The following TMEM132D variants were observed in gnomAD, a reference collection of about 807,000 sequenced individuals.
The protein encoded by TMEM132D is mature OL transmembrane protein.
A neutral mutation model predicts 62.3 loss-of-function variants in TMEM132D; 21 were observed. That is an observed-to-expected ratio of 0.34 (90% CI 0.24 to 0.49). The LOEUF is 0.49. TMEM132D is among the 20% of genes least tolerant of loss of function. TMEM132D has a pLI of 0.99. For synonymous variants in TMEM132D, 621 were observed against 575.6 expected (o/e 1.08, Z -1.13); for missense variants, 1,346 against 1,402.8 (o/e 0.96, Z 0.65).
At chr12:129,593,273 TG>T (rs1306454772) in intron 2 of TMEM132D, among the ~76,000 whole-genome samples, 47 of 152,324 alleles carry the variant, frequency 3.1e-4, no homozygotes, top group African/African-American at 1.1e-3. Flanking sequence ...AGCACCATCA[TG>T]GTGAAGTAAC....
chr12:129,538,141 A>AGAAT (rs1429613935), intron 2 of TMEM132D, among the ~76,000 whole-genome samples: 2 of 152,238 alleles, frequency 1.3e-5, no homozygotes, highest in African/African-American at 4.8e-5. Context: ...AAATATCTTC[A>AGAAT]GAATGAATGA....
chr12:129,490,915 A>G (rs1160939646), intron 3 of TMEM132D, among the ~76,000 whole-genome samples: 1 of 151,668 alleles, frequency 6.6e-6, no homozygotes, highest in East Asian at 1.9e-4. Flanking sequence ...AATCATTTAC[A>G]TTTCCTGCCT....
intron 4 of TMEM132D, among the ~76,000 whole-genome samples, chr12:129,297,867 AG>A (rs1881616380): frequency 6.6e-6 from 1 of 152,128 alleles, no homozygotes; most frequent in South Asian, 2.1e-4. Flanking sequence ...AGGCTACTTA[AG>A]CAGCCAGTAT....
At chr12:129,847,857 T>G (rs1873413272) in intron 1 of TMEM132D, among the ~76,000 whole-genome samples, 1 of 151,950 alleles carries the variant, frequency 6.6e-6, no homozygotes, top group Non-Finnish European at 1.5e-5. Context: ...AACCCCAAGG[T>G]TGCCACGGGA....
At chr12:129,517,357 T>C (rs1593047422) in intron 3 of TMEM132D, among the ~76,000 whole-genome samples, 1 of 152,204 alleles carries the variant, frequency 6.6e-6, no homozygotes. Context: ...TATTTATCTA[T>C]TAACAAATGT....
intron 4 of TMEM132D, among the ~76,000 whole-genome samples, chr12:129,314,606 C>T (rs2135638056): frequency 6.6e-6 from 1 of 152,266 alleles, no homozygotes; most frequent in Non-Finnish European, 1.5e-5. Flanking sequence ...TATCCAGGCT[C>T]TTTCTTGATT....
chr12:129,397,330 G>A (rs1348167661), intron 3 of TMEM132D, among the ~76,000 whole-genome samples: 2 of 152,190 alleles, frequency 1.3e-5, no homozygotes, highest in African/African-American at 4.8e-5. Context: ...CACTCACCAA[G>A]TGTGCGTTTG....
At chr12:129,144,294 C>T (rs1287512048) in intron 5 of TMEM132D, among the ~76,000 whole-genome samples, 1 of 152,132 alleles carries the variant, frequency 6.6e-6, no homozygotes, top group Admixed American at 6.5e-5. Flanking sequence ...ATCATGTCTC[C>T]CAGTATCCAG....
At chr12:129,244,177 A>G (rs1880010880) in intron 4 of TMEM132D, among the ~76,000 whole-genome samples, 1 of 152,074 alleles carries the variant, frequency 6.6e-6, no homozygotes, top group African/African-American at 2.4e-5. Context: ...CAAAGTCAGG[A>G]GATCGAGACC....
intron 5 of TMEM132D, among the ~76,000 whole-genome samples, chr12:129,116,918 C>CAAAAAAAAAAAAAAA (rs60513263): frequency 6.8e-5 from 4 of 58,988 alleles, no homozygotes; most frequent in African/African-American, 2.7e-4. Context: ...AAAATTTCCG[C>CAAAAAAAAAAAAAAA]AAAAAAAAAA....
At chr12:129,599,038 T>C (rs764011685) in intron 2 of TMEM132D, among the ~76,000 whole-genome samples, 3 of 152,166 alleles carry the variant, frequency 2.0e-5, no homozygotes, top group Non-Finnish European at 2.9e-5. Context: ...CCTGGGGTTG[T>C]TGAGAGAGAA....
intron 5 of TMEM132D, among the ~76,000 whole-genome samples, chr12:129,119,413 C>T (rs953754853): frequency 3.3e-5 from 5 of 152,160 alleles, no homozygotes; most frequent in East Asian, 3.9e-4. Flanking sequence ...AAATCTAGTG[C>T]GTATGGACCA....
At chr12:129,360,887 C>T (rs550745220) in intron 3 of TMEM132D, among the ~76,000 whole-genome samples, 2 of 152,220 alleles carry the variant, frequency 1.3e-5, no homozygotes, top group African/African-American at 2.4e-5. Flanking sequence ...GCCTGTGTCG[C>T]GACACATAAC....
chr12:129,643,732 C>T (rs1879699253), intron 2 of TMEM132D, among the ~76,000 whole-genome samples: 1 of 152,174 alleles, frequency 6.6e-6, no homozygotes, highest in Non-Finnish European at 1.5e-5. Context: ...TCATCAGAAA[C>T]TCAAAAGAAT....
chr12:129,705,458 C>G (rs1398329903), intron 1 of TMEM132D, among the ~76,000 whole-genome samples: 1 of 152,138 alleles, frequency 6.6e-6, no homozygotes, highest in African/African-American at 2.4e-5. Flanking sequence ...TTTGCATCCA[C>G]TGTACAAAAT....
chr12:129,358,437 G>A (rs569628099), intron 3 of TMEM132D, among the ~76,000 whole-genome samples: 2 of 152,228 alleles, frequency 1.3e-5, no homozygotes, highest in East Asian at 1.9e-4. Flanking sequence ...ACAGCTCCAC[G>A]TGCAGCGACA....
chr12:129,281,627 G>A lies in TMEM132D; in HGVS notation c.1299+56007C>T, dbSNP rs540868104. 4.0e-5 allele frequency among the ~76,000 whole-genome samples: 6 copies of A among 151,692 alleles called. No individual in the cohort carries two copies. The East Asian group carries it at 5.8e-4, about 15-fold the overall frequency. ...CAGAAGGAATCTTCCTGACGCCCCC[G>A]TAGCAGACCACACTGCTTATCTGTA... On this transcript the variant is annotated intron_variant, in intron 4 of 8. Coordinates refer to ENST00000422113, the MANE Select transcript of TMEM132D (RefSeq NM_133448.3).
chr12:129,250,712 G>A (rs1880242225), intron 4 of TMEM132D, among the ~76,000 whole-genome samples: 1 of 152,184 alleles, frequency 6.6e-6, no homozygotes, highest in African/African-American at 2.4e-5. Context: ...TTGTTCCAGT[G>A]GCTGAGTCTG....
At chr12:129,461,457 T>C (rs1198317530) in intron 3 of TMEM132D, among the ~76,000 whole-genome samples, 3 of 151,972 alleles carry the variant, frequency 2.0e-5, no homozygotes, top group East Asian at 1.9e-4. Context: ...AAGATGAAGA[T>C]GGACTGGTAT....
Sources: allele counts gnomAD v4.1 joint callset (sites outside exome capture counted in the v4.1 genomes callset), GRCh38; gene constraint gnomAD v4.1.1; transcripts MANE v1.5; gene names NCBI Gene and HGNC (gene_info 2026-07-23, HGNC 2026-07-21).